Variants in VAV2 observed in about 807,000 individuals in gnomAD.
The protein encoded by VAV2 is vav guanine nucleotide exchange factor 2.
In VAV2, 67 loss-of-function variants were observed where a neutral mutation model predicts 132.5. The ratio of observed to expected loss-of-function variants is 0.51; its 90% confidence interval spans 0.42 to 0.62. VAV2 has a LOEUF of 0.62. Among genes scored for constraint, VAV2 ranks in the 20% least tolerant of loss-of-function variants. The pLI, the probability that VAV2 is intolerant of heterozygous loss-of-function variation, is 0.00. For missense variants in VAV2, 938 were observed against 1,153.6 expected (o/e 0.81, Z 2.71); for synonymous variants, 492 against 443.5 (o/e 1.11, Z -1.37).
chr9:133,917,349 G>A (rs777227373), intron 2 of VAV2, among the ~76,000 whole-genome samples: 3 of 151,980 alleles, frequency 2.0e-5, no homozygotes, highest in Non-Finnish European at 1.5e-5. Context: ...CAAGTCAAAG[G>A]AATGATTCTC....
chr9:133,971,784 G>C (rs191519753), intron 1 of VAV2, among the ~76,000 whole-genome samples: 2 of 152,144 alleles, frequency 1.3e-5, no homozygotes, highest in African/African-American at 4.8e-5. Flanking sequence ...TGCACCACCC[G>C]GGTCCTGAAT....
At chr9:133,873,790 T>C (rs1364631750) in intron 2 of VAV2, among the ~76,000 whole-genome samples, 1 of 152,188 alleles carries the variant, frequency 6.6e-6, no homozygotes, top group Non-Finnish European at 1.5e-5. Flanking sequence ...AATTCTCCAA[T>C]TTTGAGATGG....
intron 4 of VAV2, among the ~76,000 whole-genome samples, chr9:133,814,327 A>G (rs1835472824): frequency 6.6e-6 from 1 of 152,232 alleles, no homozygotes; most frequent in African/African-American, 2.4e-5. Context: ...CCGCCAGGCT[A>G]CCAGGGATGC....
chr9:133,956,862 G>T (rs931839830), intron 1 of VAV2, among the ~76,000 whole-genome samples: 1 of 152,228 alleles, frequency 6.6e-6, no homozygotes, highest in African/African-American at 2.4e-5. Context: ...AGCCCTCTGT[G>T]GGGGACAGGC....
chr9:133,942,893 C>T (rs913914587), intron 1 of VAV2, among the ~76,000 whole-genome samples: 5 of 152,178 alleles, frequency 3.3e-5, no homozygotes, highest in African/African-American at 7.2e-5. Context: ...ACTGCACGGA[C>T]GGGGATGGCA....
chr9:133,876,508 C>T (rs774447354), intron 2 of VAV2, among the ~76,000 whole-genome samples: 3 of 152,262 alleles, frequency 2.0e-5, no homozygotes, highest in Admixed American at 6.5e-5. Context: ...CGCACAGGCC[C>T]GGAGAGCGGC....
chr9:133,803,636 G>T (rs767146340), intron 9 of VAV2, among the ~76,000 whole-genome samples: 2 of 152,206 alleles, frequency 1.3e-5, no homozygotes, highest in Non-Finnish European at 2.9e-5. Context: ...CTGCATTCAT[G>T]AAAGTATAAC....
In VAV2 at chr9:133,939,169, T is replaced by C. The variant is rs1841038585; in HGVS notation, c.255A>G (p.Lys85=). The C allele has an allele frequency of 6.2e-7, 1 of 1,614,084 alleles. No individual in the cohort carries two copies. Among genetic ancestry groups the C allele is most frequent in the Non-Finnish European group, 8.5e-7 (1 of 1,180,060 alleles). Residue 85 remains lysine (K), a synonymous_variant, in exon 2 of 30, where the codon AAA becomes AAG. Coordinates refer to ENST00000371850, the MANE Select transcript of VAV2 (RefSeq NM_001134398.2). ...IRTFLKVCHD[K]FGLRNSELFD... ...ACAGCTCGCTGTTCCTTAATCCAAA[T>C]TTATCGTGGCAGACTTTCAGGAAGG...
Position 133,789,404 on chromosome 9 carries a change from A to G in VAV2, c.1189-61T>C, listed in dbSNP as rs1016178186. Reference sequence around the variant, plus strand: ...GAGCAGCCCCAGTTCTCCTGACCGCACGGGCAGGGCAGACTGTCGTGCACC... The same window carrying G: ...GAGCAGCCCCAGTTCTCCTGACCGCGCGGGCAGGGCAGACTGTCGTGCACC... On this transcript the variant is annotated intron_variant, in intron 13 of 29. Coordinates refer to ENST00000371850, the MANE Select transcript of VAV2 (RefSeq NM_001134398.2). The G allele has an allele frequency of 2.3e-5, 35 of 1,540,740 alleles. No homozygotes were observed. The African/African-American group carries it at 3.1e-4, about 14-fold the overall frequency.
At chr9:133,765,114 T>C (rs751610753) in intron 29 of VAV2, among the ~76,000 whole-genome samples, 1 of 152,130 alleles carries the variant, frequency 6.6e-6, no homozygotes, top group Non-Finnish European at 1.5e-5. Context: ...TACAGTAGAA[T>C]GCCAACTAAT....
chr9:133,871,403 C>CGGGT (rs1554796165), intron 2 of VAV2, among the ~76,000 whole-genome samples: 1 of 142,798 alleles, frequency 7.0e-6, no homozygotes, highest in African/African-American at 2.7e-5. Flanking sequence ...GATGGACGGA[C>CGGGT]GGATGGATGG....
intron 2 of VAV2, among the ~76,000 whole-genome samples, chr9:133,888,942 A>G (rs575772052): frequency 4.6e-5 from 7 of 152,300 alleles, no homozygotes; most frequent in African/African-American, 1.7e-4. Flanking sequence ...TCGCATTCGC[A>G]AGGAGACGAC....
chr9:133,837,381 TA>T (rs1564393713), intron 3 of VAV2, among the ~76,000 whole-genome samples: 1 of 152,184 alleles, frequency 6.6e-6, no homozygotes, highest in African/African-American at 2.4e-5. Flanking sequence ...CCCACTAAAA[TA>T]AGGCACAACA....
chr9:133,894,145 G>A (rs528104279), intron 2 of VAV2, among the ~76,000 whole-genome samples: 2 of 152,200 alleles, frequency 1.3e-5, no homozygotes, highest in Non-Finnish European at 2.9e-5. Flanking sequence ...CGCTGGATCC[G>A]CCACAGTACC....
intron 8 of VAV2, 115 bp from the exon 9 acceptor site, chr9:133,806,296 G>A (rs552526544): frequency 4.5e-5 from 43 of 951,002 alleles, no homozygotes; most frequent in South Asian, 2.5e-4. Context: ...GGAGGGGCCC[G>A]GGTGCTGGGC....
chr9:133,839,804 A>C (rs550808757), intron 3 of VAV2, among the ~76,000 whole-genome samples: 8 of 152,338 alleles, frequency 5.3e-5, no homozygotes, highest in Non-Finnish European at 7.4e-5. Flanking sequence ...GAGGTATTTA[A>C]GTCACCCCTC....
At chr9:133,972,545 C>T (rs115171612) in intron 1 of VAV2, among the ~76,000 whole-genome samples, 2,977 of 152,362 alleles carry the variant, frequency 0.02, 93 homozygotes, top group African/African-American at 0.067. Context: ...GGCGGCCCGC[C>T]TCCTGCAAGC....
rs1353619937 is a variant in VAV2, at chr9:133,840,197, C to T, written c.381-5857G>A. Among the ~76,000 whole-genome samples, 2 of 152,230 alleles carry T rather than the reference C, an allele frequency of 1.3e-5. No individual in the cohort carries two copies. The highest frequency in any genetic ancestry group is 2.9e-5 in the Non-Finnish European group (2 of 68,028). On this transcript the variant is annotated intron_variant, in intron 3 of 29. Coordinates refer to ENST00000371850, the MANE Select transcript of VAV2 (RefSeq NM_001134398.2). This position sits in a 1 kb window ranked among gnomAD's most constrained non-coding sequence, Gnocchi z 4.5. ...CAGGGGCGGCTGCATCCCTCTCCTC[C>T]CACCAGAGCCTTCCTGAGCATGCAT...
At chr9:133,787,167 C>A in intron 16 of VAV2, 79 bp downstream of exon 16, 1 of 1,434,010 alleles carries the variant, frequency 7.0e-7, no homozygotes, top group East Asian at 2.5e-5. Context: ...CCCCTGGGTC[C>A]CCTGGCTCCG....
Sources: allele counts gnomAD v4.1 joint callset (sites outside exome capture counted in the v4.1 genomes callset), GRCh38; gene constraint gnomAD v4.1.1; non-coding constraint Gnocchi (gnomAD v3.1); transcripts MANE v1.5; gene names NCBI Gene and HGNC (gene_info 2026-07-23, HGNC 2026-07-21).